NALF1: variants seen among roughly 807,000 people sequenced by gnomAD.
NALF1 encodes the protein family with sequence similarity 155 member A.
NALF1 carries 3 observed loss-of-function variants against 48.4 expected under a neutral mutation model. The observed-to-expected ratio is 0.06, with a 90% confidence interval of 0.03 to 0.16. The LOEUF is 0.16. Among genes scored for constraint, NALF1 ranks in the 10% least tolerant of loss-of-function variants. NALF1 has a pLI of 1.00. For synonymous variants in NALF1, 262 were observed against 245.7 expected (o/e 1.07, Z -0.62); for missense variants, 526 against 571.5 (o/e 0.92, Z 0.81).
In NALF1 at chr13:107,270,272, AT is replaced by A. The variant is rs533116070; in HGVS notation, c.916-59518del. ...AATTATTAATGGTTTCCAAGAACAAATCCTAAAGACCAATTTTACTGCAATC... is the reference window on the plus strand; with the variant it reads ...AATTATTAATGGTTTCCAAGAACAAACCTAAAGACCAATTTTACTGCAATC... On this transcript the variant is annotated intron_variant, in intron 1 of 2. Coordinates refer to ENST00000375915, the MANE Select transcript of NALF1 (RefSeq NM_001080396.3). Among the ~76,000 whole-genome samples the A allele has an allele frequency of 3.4e-4, 52 of 152,258 alleles. 1 individual carries two copies. The South Asian group carries it at 0.011, about 32-fold the overall frequency.
chr13:107,734,770 T>C lies in NALF1; in HGVS notation c.915+130912A>G, dbSNP rs376167772. Among the ~76,000 whole-genome samples the C allele has an allele frequency of 2.0e-5, 3 of 152,052 alleles. No individual in the cohort carries two copies. The East Asian group carries it at 5.8e-4, about 29-fold the overall frequency. On this transcript the variant is annotated intron_variant, in intron 1 of 2. Coordinates refer to ENST00000375915, the MANE Select transcript of NALF1 (RefSeq NM_001080396.3). ...AGACAGCACACATAATGGGCTCCCA[T>C]TAATAATGATGATGATGATAACTAC... is the stretch of plus-strand genomic sequence containing the variant.
intron 1 of NALF1, among the ~76,000 whole-genome samples, chr13:107,657,856 T>G (rs542795267): frequency 6.6e-6 from 1 of 152,354 alleles, no homozygotes; most frequent in East Asian, 1.9e-4. Context: ...CGGTTCCGTC[T>G]GACACTTTAG....
At chr13:107,733,749 T>C (rs971463996) in intron 1 of NALF1, among the ~76,000 whole-genome samples, 19 of 152,186 alleles carry the variant, frequency 1.2e-4, no homozygotes, top group Non-Finnish European at 2.1e-4. Flanking sequence ...TCTTAATTTA[T>C]TTAGATATCT....
At chr13:107,712,346 T>G (rs1419936666) in intron 1 of NALF1, among the ~76,000 whole-genome samples, 1 of 152,148 alleles carries the variant, frequency 6.6e-6, no homozygotes, top group African/African-American at 2.4e-5. Context: ...CAGGAAGGAA[T>G]GAATGCAAAA....
intron 1 of NALF1, among the ~76,000 whole-genome samples, chr13:107,391,833 G>A (rs182860573): frequency 7.2e-5 from 11 of 151,902 alleles, no homozygotes; most frequent in Admixed American, 1.3e-4. Context: ...GATGTCTCAC[G>A]CCTCCCTAAA....
At chr13:107,438,827 CAAAAA>C (rs61686895) in intron 1 of NALF1, among the ~76,000 whole-genome samples, 27 of 17,954 alleles carry the variant, frequency 1.5e-3, no homozygotes, top group African/African-American at 3.3e-3. Context: ...GACTCCATCT[CAAAAA>C]AAAAAAAAAA....
intron 1 of NALF1, among the ~76,000 whole-genome samples, chr13:107,500,219 A>T (rs970445354): frequency 1.3e-5 from 2 of 152,164 alleles, no homozygotes; most frequent in African/African-American, 4.8e-5. Flanking sequence ...TTTATACCTT[A>T]GTCCATTTTG....
intron 1 of NALF1, among the ~76,000 whole-genome samples, chr13:107,270,286 T>A (rs1237181512): frequency 6.6e-6 from 1 of 152,126 alleles, no homozygotes; most frequent in African/African-American, 2.4e-5. Context: ...TAAAGACCAA[T>A]TTTACTGCAA....
intron 1 of NALF1, among the ~76,000 whole-genome samples, chr13:107,673,978 G>A (rs1198511129): frequency 6.6e-6 from 1 of 152,090 alleles, no homozygotes; most frequent in African/African-American, 2.4e-5. Flanking sequence ...GAGCTGGGCA[G>A]CAGCTATTAA....
At chr13:107,563,075 A>G (rs1237671504) in intron 1 of NALF1, among the ~76,000 whole-genome samples, 3 of 152,246 alleles carry the variant, frequency 2.0e-5, no homozygotes, top group Admixed American at 1.3e-4. Flanking sequence ...TTCACGTTAG[A>G]TTAATAACAA....
Position 107,412,048 on chromosome 13 carries a change from G to A in NALF1, c.916-201293C>T, listed in dbSNP as rs771210988. ...TGATCTGATTTGCACTTTATGAACC[G>A]CACAATCCTCAGCTTATGAGTGTAT... On this transcript the variant is annotated intron_variant, in intron 1 of 2. Transcript: ENST00000375915. 3.3e-5 allele frequency among the ~76,000 whole-genome samples: 5 copies of A among 152,218 alleles called. No individual in the cohort carries two copies. In the South Asian group the frequency reaches 6.2e-4, roughly 19 times the overall value.
At chr13:107,380,871 G>A (rs1883424322) in intron 1 of NALF1, among the ~76,000 whole-genome samples, 1 of 150,386 alleles carries the variant, frequency 6.6e-6, no homozygotes, top group South Asian at 2.1e-4. Context: ...CCAGCTACTC[G>A]GGAGGCTGAG....
chr13:107,231,404 T>C (rs1289595060), intron 1 of NALF1, among the ~76,000 whole-genome samples: 3 of 152,238 alleles, frequency 2.0e-5, no homozygotes, highest in Non-Finnish European at 4.4e-5. Flanking sequence ...CTTCAGATCG[T>C]GGTTCTCTTC....
At position 107,457,500 on chromosome 13, in the gene NALF1, C is replaced by T. The variant is rs778746080; in HGVS notation, c.916-246745G>A. Among the ~76,000 whole-genome samples the T allele has an allele frequency of 6.0e-4, 92 of 152,190 alleles. 1 individual carries two copies. The highest frequency in any genetic ancestry group is 2.6e-4 in the Non-Finnish European group (18 of 68,038). On this transcript the variant is annotated intron_variant, in intron 1 of 2. Coordinates refer to ENST00000375915, the MANE Select transcript of NALF1 (RefSeq NM_001080396.3). The stretch of plus-strand genomic sequence containing the variant: ...AGCACAGGAGAAGCAGGAAGGCATT[C>T]TATTCCCTGGCTTAGAACATTTACT...
chr13:107,464,744 T>G (rs1884973305), intron 1 of NALF1, among the ~76,000 whole-genome samples: 1 of 152,110 alleles, frequency 6.6e-6, no homozygotes, highest in Non-Finnish European at 1.5e-5. Context: ...GGTCTAGAAC[T>G]CCTGATCTCA....
At chr13:107,720,129 C>T (rs1188131038) in intron 1 of NALF1, among the ~76,000 whole-genome samples, 1 of 152,188 alleles carries the variant, frequency 6.6e-6, no homozygotes, top group South Asian at 2.1e-4. Context: ...GTGGCCTCCA[C>T]CCTACGAACT....
chr13:107,798,367 T>A (rs141883743), intron 1 of NALF1, among the ~76,000 whole-genome samples: 1 of 152,354 alleles, frequency 6.6e-6, no homozygotes, highest in East Asian at 1.9e-4. Flanking sequence ...AGAATTGAGA[T>A]GCTATTTATA....
At chr13:107,435,241 C>T (rs898299782) in intron 1 of NALF1, among the ~76,000 whole-genome samples, 53 of 151,852 alleles carry the variant, frequency 3.5e-4, no homozygotes, top group Admixed American at 7.2e-4. Context: ...TAAAACAAAT[C>T]GTTGAGATGT....
chr13:107,246,746 A>G (rs777621715), intron 1 of NALF1, among the ~76,000 whole-genome samples: 18 of 152,182 alleles, frequency 1.2e-4, no homozygotes, highest in Non-Finnish European at 1.9e-4. Context: ...TTTGCTCTCA[A>G]ATAAATATGC....
Sources: gnomAD v4.1 joint callset for allele counts (sites outside exome capture counted in the v4.1 genomes callset) on GRCh38, gnomAD v4.1.1 for gene constraint, MANE v1.5 for transcripts, NCBI Gene and HGNC (gene_info 2026-07-23, HGNC 2026-07-21) for gene names.